Variants in HAO1 observed in about 807,000 individuals in gnomAD.
HAO1 encodes hydroxyacid oxidase 1.
Under a neutral mutation model 39.7 loss-of-function variants are expected in HAO1, and 34 were observed. The observed-to-expected ratio is 0.86, with a 90% CI of 0.65 to 1.14. The LOEUF (loss-of-function observed/expected upper bound fraction) is 1.14. Among genes scored for constraint, HAO1 ranks in the 50% most tolerant of loss-of-function variants. HAO1 has a pLI of 0.00. For missense variants in HAO1, 479 were observed against 464.5 expected (o/e 1.03, Z -0.29); for synonymous variants, 172 against 173.2 (o/e 0.99, Z 0.05).
At chr20:7,890,461 G>T (rs887185643) in intron 5 of HAO1, among the ~76,000 whole-genome samples, 3 of 152,082 alleles carry the variant, frequency 2.0e-5, no homozygotes, top group African/African-American at 7.2e-5. Context: ...TGATCTGCCC[G>T]TCTTGGCCTC....
rs190253036 is a variant in HAO1, at chr20:7,940,202, C to T, written c.137+84G>A. On this transcript the variant is annotated intron_variant, in intron 1 of 7. Coordinates refer to ENST00000378789, the MANE Select transcript of HAO1 (RefSeq NM_017545.3). ...CAAATCTGAACAAATAATTACACAC[C>T]ACCAACGTAAAACTAGGAGATCTTA... The T allele has an allele frequency of 4.9e-4, 550 of 1,112,872 alleles. 1 individual carries two copies. In the African/African-American group the frequency reaches 7.9e-3, roughly 16 times the overall value. The allele number at this position is 1,112,872 out of a possible 1,614,324, so 68.9% of individuals were successfully genotyped here.
chr20:7,891,354 T>C (rs938088723), intron 5 of HAO1, among the ~76,000 whole-genome samples: 31 of 152,224 alleles, frequency 2.0e-4, no homozygotes, highest in African/African-American at 7.0e-4. Flanking sequence ...TTTTGAGAAT[T>C]GTCTATTCAT....
Position 7,934,476 on chromosome 20 carries a change from C to T in HAO1, c.289+8G>A. ...CTTCTGTCCCTGTGGTGACAATCTT[C>T]CTCCTACCTCTCACAGTGGCAAGCT... On this transcript the variant is annotated splice_region_variant and intron_variant, in intron 2 of 7. Transcript: ENST00000378789. 1.9e-6 allele frequency: 3 copies of T among 1,605,390 alleles called. No homozygotes were observed. Among genetic ancestry groups the T allele is most frequent in the East Asian group, 2.2e-5 (1 of 44,648 alleles).
In HAO1 at chr20:7,940,405, A is replaced by G; in HGVS notation, c.18T>C (p.Ile6=). 2 of 1,609,104 alleles carry G rather than the reference A, an allele frequency of 1.2e-6. No individual in the cohort carries two copies. The highest frequency in any genetic ancestry group is 1.7e-6 in the Non-Finnish European group (2 of 1,178,668). ...CATGTTGTTCATAATCATTGATACA[A>G]ATTAGCCGGGGGAGCATTTTCACAG... The part of the protein sequence containing the change: MLPRL[I]CINDYEQHAK... Residue 6 remains isoleucine, a synonymous_variant, in exon 1 of 8, where the codon ATT becomes ATC. Coordinates refer to ENST00000378789, the MANE Select transcript of HAO1 (RefSeq NM_017545.3).
Position 7,906,165 on chromosome 20 carries a change from C to A in HAO1, c.710G>T (p.Gly237Val). The A allele has an allele frequency of 1.2e-6, 2 of 1,611,160 alleles. No homozygotes were observed. Among genetic ancestry groups the A allele is most frequent in the South Asian group, 1.1e-5 (1 of 90,980 alleles). The change falls in exon 4 of 8, where the codon GGC (glycine) becomes GTC (valine). Residue 237 changes from glycine to valine, a missense_variant. By Grantham distance (109) the Gly-to-Val change is moderately radical. Coordinates refer to ENST00000378789, the MANE Select transcript of HAO1 (RefSeq NM_017545.3). ...RLTSLPIVAK[G>V]ILRGDDAREA... is the part of the protein sequence containing the mutation. ...AGAAATAAACGAACCTCTCAAAATG[C>A]CCTTTGCAACAATTGGCAATGATGT...
At chr20:7,932,590 G>A (rs1461700036) in intron 2 of HAO1, among the ~76,000 whole-genome samples, 1 of 152,118 alleles carries the variant, frequency 6.6e-6, no homozygotes, top group Non-Finnish European at 1.5e-5. Context: ...GAAACTAAAT[G>A]TATTTTAGGA....
intron 2 of HAO1, among the ~76,000 whole-genome samples, chr20:7,924,066 T>C (rs1296585234): frequency 1.3e-5 from 2 of 152,148 alleles, no homozygotes; most frequent in Non-Finnish European, 2.9e-5. Flanking sequence ...ACAGGTACAT[T>C]TGCCACATTT....
At chr20:7,930,357 A>G (rs998724398) in intron 2 of HAO1, among the ~76,000 whole-genome samples, 2 of 152,244 alleles carry the variant, frequency 1.3e-5, no homozygotes, top group Non-Finnish European at 2.9e-5. Flanking sequence ...TAAATACAAT[A>G]ATAACTTCAT....
At chr20:7,892,034 G>A (rs1459268928) in intron 5 of HAO1, among the ~76,000 whole-genome samples, 1 of 152,102 alleles carries the variant, frequency 6.6e-6, no homozygotes, top group Non-Finnish European at 1.5e-5. Flanking sequence ...GAGCAAAACT[G>A]AGTTGCAAAG....
At chr20:7,888,140 A>G (rs1249774488) in intron 5 of HAO1, among the ~76,000 whole-genome samples, 1 of 152,106 alleles carries the variant, frequency 6.6e-6, no homozygotes, top group Non-Finnish European at 1.5e-5. Flanking sequence ...ATATGGTAAG[A>G]TCCCTGTATA....
rs547034942 is a variant in HAO1 at position 7,902,869 on chromosome 20, G to A, written c.721+3285C>T. On this transcript the variant is annotated intron_variant, in intron 4 of 7. Coordinates refer to ENST00000378789, the MANE Select transcript of HAO1 (RefSeq NM_017545.3). Reference sequence around the variant, plus strand: ...AGGGCAGTTTAACCACACACAGTAAGAGATTACATCTTCCATTCTAATTTG... The same window carrying A: ...AGGGCAGTTTAACCACACACAGTAAAAGATTACATCTTCCATTCTAATTTG... Among the ~76,000 whole-genome samples the A allele has an allele frequency of 4.6e-5, 7 of 152,312 alleles. 2 individuals carry two copies. The highest frequency in any genetic ancestry group is 1.7e-4 in the African/African-American group (7 of 41,576).
Position 7,883,385 on chromosome 20 carries a change from G to T in HAO1, c.*208C>A. 1.8e-6 allele frequency: 1 copy of T among 554,942 alleles called. No homozygotes were observed. The highest frequency in any genetic ancestry group is 3.2e-6 in the Non-Finnish European group (1 of 309,744). 34.4% of individuals were successfully genotyped at this position (554,942 alleles called of 1,614,324 possible). ...CAGTTAATATATTTCCAGGATGAAA[G>T]TCCATTTCTTTCTAAAAGGTTCCTA... On this transcript the variant is annotated 3_prime_UTR_variant, in exon 8 of 8. Transcript: ENST00000378789.
chr20:7,893,534 G>A (rs1018284931), intron 5 of HAO1, among the ~76,000 whole-genome samples: 9 of 152,084 alleles, frequency 5.9e-5, no homozygotes, highest in Non-Finnish European at 1.3e-4. Context: ...TTGTAAAACC[G>A]AAAAGCAATG....
At chr20:7,905,831 A>C (rs566946071) in intron 4 of HAO1, among the ~76,000 whole-genome samples, 1 of 152,298 alleles carries the variant, frequency 6.6e-6, no homozygotes, top group Non-Finnish European at 1.5e-5. Flanking sequence ...TGCAGCTTTC[A>C]GGTAAAGCAA....
intron 1 of HAO1, among the ~76,000 whole-genome samples, chr20:7,939,152 C>T (rs1600124975): frequency 6.6e-6 from 1 of 152,112 alleles, no homozygotes; most frequent in African/African-American, 2.4e-5. Flanking sequence ...ATTTTAAGCC[C>T]CTCTACTCTC....
chr20:7,918,256 A>T (rs1311504447), intron 2 of HAO1, among the ~76,000 whole-genome samples: 7 of 152,206 alleles, frequency 4.6e-5, no homozygotes, highest in Non-Finnish European at 2.9e-5. Context: ...ATTTGCTATG[A>T]CAAAGGAAAA....
chr20:7,907,977 TC>T (rs1019909582), intron 3 of HAO1, among the ~76,000 whole-genome samples: 16 of 152,206 alleles, frequency 1.1e-4, no homozygotes, highest in Admixed American at 9.2e-4. Context: ...CCAGTCAATC[TC>T]CCTTTTTTTG....
chr20:7,928,620 C>A (rs1160818393), intron 2 of HAO1, among the ~76,000 whole-genome samples: 1 of 152,110 alleles, frequency 6.6e-6, no homozygotes, highest in East Asian at 1.9e-4. Context: ...TGGAAACAAC[C>A]CCAGCCTCCT....
intron 2 of HAO1, among the ~76,000 whole-genome samples, chr20:7,932,213 G>C (rs778082541): frequency 5.3e-5 from 8 of 152,072 alleles, no homozygotes; most frequent in Non-Finnish European, 7.4e-5. Flanking sequence ...GTTTCCTGAG[G>C]CCTCCCCAGC....
Sources: allele counts gnomAD v4.1 joint callset (sites outside exome capture counted in the v4.1 genomes callset), GRCh38; gene constraint gnomAD v4.1.1; transcripts MANE v1.5; gene names NCBI Gene and HGNC (gene_info 2026-07-23, HGNC 2026-07-21).